The following PALM2AKAP2 variants were observed in gnomAD, a reference collection of about 807,000 sequenced individuals.
PALM2AKAP2 encodes the protein PALM2-AKAP2 fusion protein.
In PALM2AKAP2, 37 loss-of-function variants were observed where a neutral mutation model predicts 71.5. The observed-to-expected ratio is 0.52, with a 90% CI of 0.40 to 0.68. The LOEUF (loss-of-function observed/expected upper bound fraction) is 0.68. Ranked by LOEUF, PALM2AKAP2 falls within the 30% of genes least tolerant of loss-of-function variation. PALM2AKAP2 has a pLI of 0.00. For synonymous variants in PALM2AKAP2, 468 were observed against 478.8 expected, an observed-to-expected ratio of 0.98 and a Z score of 0.29; for missense variants, 1,224 against 1,191.8, an observed-to-expected ratio of 1.03 and a Z score of -0.40.
intron 6 of PALM2AKAP2, among the ~76,000 whole-genome samples, chr9:109,998,995 G>A (rs1832628946): frequency 6.6e-6 from 1 of 152,114 alleles, no homozygotes; most frequent in African/African-American, 2.4e-5. Context: ...AGACTGTGCT[G>A]ACTGAGGCCT....
At chr9:110,148,690 A>G (rs1836237679) in intron 2 of PALM2AKAP2, 1 of 152,374 alleles carries the variant, frequency 6.6e-6, no homozygotes, top group South Asian at 2.1e-4. Flanking sequence ...GCCCTGGCTT[A>G]GGCATGTCCT....
chr9:109,794,928 C>T (rs10980043), intron 1 of PALM2AKAP2, among the ~76,000 whole-genome samples: 1 of 152,170 alleles, frequency 6.6e-6, no homozygotes, highest in African/African-American at 2.4e-5. Context: ...TGGACACTCA[C>T]AATTGCTCAC....
chr9:109,946,687 CAAAAAAAAAAAAAAAA>C (rs746162235), intron 6 of PALM2AKAP2: 1 of 37,840 alleles, frequency 2.6e-5, no homozygotes, highest in Non-Finnish European at 5.2e-5. Flanking sequence ...AACTCCATCT[CAAAAAAAAAAAAAAAA>C]AAAAAAAAAT....
At chr9:109,865,449 A>G (rs1178582927) in intron 1 of PALM2AKAP2, among the ~76,000 whole-genome samples, 2 of 152,024 alleles carry the variant, frequency 1.3e-5, no homozygotes, top group Non-Finnish European at 2.9e-5. Context: ...TACATCCTTC[A>G]TGACCATGTC....
At chr9:110,146,384 G>A (rs1423532697) in intron 2 of PALM2AKAP2, among the ~76,000 whole-genome samples, 1 of 152,188 alleles carries the variant, frequency 6.6e-6, no homozygotes, top group African/African-American at 2.4e-5. Context: ...ATAGATCCGT[G>A]TGTCTGGGTT....
At chr9:110,113,619 A>G (rs1355337472) in intron 1 of PALM2AKAP2, among the ~76,000 whole-genome samples, 1 of 151,206 alleles carries the variant, frequency 6.6e-6, no homozygotes, top group Admixed American at 6.6e-5. Flanking sequence ...TGCCTCCCGG[A>G]TTCAAGCAAT....
chr9:110,156,556 T>C, intron 3 of PALM2AKAP2, 59 bp downstream of exon 9: 2 of 1,508,276 alleles, frequency 1.3e-6, no homozygotes. Context: ...GTGTGGCGTG[T>C]GGCATTCCAG....
intron 7 of PALM2AKAP2, among the ~76,000 whole-genome samples, chr9:110,027,287 C>T (rs768488246): frequency 3.3e-5 from 5 of 152,070 alleles, no homozygotes; most frequent in East Asian, 1.9e-4. Context: ...GTTTATCCAA[C>T]GACTGGATAA....
chr9:109,895,809 GT>G (rs1830185091), intron 3 of PALM2AKAP2, among the ~76,000 whole-genome samples: 1 of 152,162 alleles, frequency 6.6e-6, no homozygotes, highest in Non-Finnish European at 1.5e-5. Context: ...GGCTGGGGAG[GT>G]TTCAGGAAAC....
chr9:109,853,139 T>A (rs141298957), intron 1 of PALM2AKAP2, among the ~76,000 whole-genome samples: 349 of 152,248 alleles, frequency 2.3e-3, no homozygotes, highest in African/African-American at 7.9e-3. Context: ...AGTGTCCTCA[T>A]CTGTAATGGA....
intron 1 of PALM2AKAP2, among the ~76,000 whole-genome samples, chr9:110,094,060 C>CACACAGG (rs1834777431): frequency 6.6e-6 from 1 of 152,170 alleles, no homozygotes; most frequent in Non-Finnish European, 1.5e-5. Flanking sequence ...CTTCATACAG[C>CACACAGG]ACACAGGACA....
chr9:109,748,470 A>G (rs368514479), intron 1 of PALM2AKAP2, among the ~76,000 whole-genome samples: 58 of 152,128 alleles, frequency 3.8e-4, no homozygotes, highest in Admixed American at 3.9e-4. Flanking sequence ...ATGGGTCAGG[A>G]GTCTAAAAGA....
chr9:110,044,009 AC>A (rs1218602645), upstream of PALM2AKAP2, among the ~76,000 whole-genome samples: 2 of 152,016 alleles, frequency 1.3e-5, no homozygotes, highest in African/African-American at 4.8e-5. Context: ...GTGAGCCACC[AC>A]ATCCAGCCCA....
intron 6 of PALM2AKAP2, among the ~76,000 whole-genome samples, chr9:109,990,341 T>C (rs369262970): frequency 3.3e-5 from 5 of 152,176 alleles, no homozygotes; most frequent in African/African-American, 9.7e-5. Flanking sequence ...ACTACAGGCG[T>C]GAGCCACCGT....
intron 1 of PALM2AKAP2, among the ~76,000 whole-genome samples, chr9:109,709,358 C>T (rs1395537848): frequency 1.3e-5 from 2 of 152,182 alleles, no homozygotes; most frequent in African/African-American, 4.8e-5. Flanking sequence ...GTGACTTTGT[C>T]AAGATGGCTG....
intron 6 of PALM2AKAP2, among the ~76,000 whole-genome samples, chr9:109,985,513 G>A (rs1237770195): frequency 6.6e-6 from 1 of 151,520 alleles, no homozygotes; most frequent in Non-Finnish European, 1.5e-5. Context: ...CCAGCTACTC[G>A]GGAGGCTGAG....
intron 1 of PALM2AKAP2, among the ~76,000 whole-genome samples, chr9:109,740,296 A>C (rs1392597789): frequency 1.3e-5 from 2 of 152,208 alleles, no homozygotes; most frequent in Non-Finnish European, 2.9e-5. Flanking sequence ...CAAAGGTATA[A>C]ATTTTTTATG....
chr9:110,065,142 T>C (rs527420), intron 1 of PALM2AKAP2, among the ~76,000 whole-genome samples: 112,007 of 151,994 alleles, frequency 0.74, 41,704 homozygotes, highest in African/African-American at 0.84. Flanking sequence ...GACAGCCCCA[T>C]GGAGGCATGG....
At chr9:109,675,021 AT>A (rs1484570378) in intron 1 of PALM2AKAP2, among the ~76,000 whole-genome samples, 1 of 152,080 alleles carries the variant, frequency 6.6e-6, no homozygotes, top group African/African-American at 2.4e-5. Flanking sequence ...GTTATAAAAT[AT>A]TCTTTGTGTT....
Sources: allele counts gnomAD v4.1 joint callset (sites outside exome capture counted in the v4.1 genomes callset), GRCh38; gene constraint gnomAD v4.1.1; transcripts MANE v1.5; gene names NCBI Gene and HGNC (gene_info 2026-07-23, HGNC 2026-07-21).